CTSH: variants seen among roughly 807,000 people sequenced by gnomAD.
CTSH encodes pro-cathepsin H.
Under a neutral mutation model 56.3 loss-of-function variants are expected in CTSH, and 52 were observed. That is an observed-to-expected ratio of 0.92 (90% confidence interval 0.74 to 1.16). The LOEUF (loss-of-function observed/expected upper bound fraction) is 1.16, where lower values mean the gene tolerates loss of function less well. Among genes scored for constraint, CTSH ranks in the 50% most tolerant of loss-of-function variants. The pLI is 0.00. For missense variants in CTSH, 406 were observed against 424.5 expected, an observed-to-expected ratio of 0.96 and a Z score of 0.38; for synonymous variants, 174 against 155.7, an observed-to-expected ratio of 1.12 and a Z score of -0.88.
chr15:78,938,717 C>T (rs74525211), intron 2 of CTSH, among the ~76,000 whole-genome samples: 2,229 of 152,260 alleles, frequency 0.015, 89 homozygotes, highest in East Asian at 0.14. Context: ...CTGCAATAAA[C>T]ATGAGGGTGC....
chr15:78,940,701 G>A (rs1011178866), intron 1 of CTSH, among the ~76,000 whole-genome samples: 7 of 152,204 alleles, frequency 4.6e-5, no homozygotes, highest in African/African-American at 1.7e-4. Flanking sequence ...GCTCACGCCT[G>A]TAATCCCAGC....
chr15:78,942,924 G>A (rs1050976891), intron 1 of CTSH, among the ~76,000 whole-genome samples: 6 of 152,132 alleles, frequency 3.9e-5, no homozygotes, highest in East Asian at 1.9e-4. Context: ...ATCTATGGCC[G>A]TTTTCCCTGG....
At position 78,936,322 on chromosome 15, in the gene CTSH, C is replaced by A. The variant is rs180840248; in HGVS notation, c.230-572G>T. On this transcript the variant is annotated intron_variant, in intron 3 of 11. Coordinates refer to ENST00000220166, the MANE Select transcript of CTSH (RefSeq NM_004390.5). ...TCAGCTTCCCTAGTAGCTGAGACTA[C>A]AGGCACCTGCCACCATGCCCGGCTA... Among the ~76,000 whole-genome samples, 29 of 151,834 alleles carry A rather than the reference C, an allele frequency of 1.9e-4. 1 individual carries two copies. Among genetic ancestry groups the A allele is most frequent in the Admixed American group, 1.7e-3 (26 of 15,218 alleles).
chr15:78,932,696 C>T (rs1235836703), intron 5 of CTSH, among the ~76,000 whole-genome samples: 1 of 152,140 alleles, frequency 6.6e-6, no homozygotes, highest in Non-Finnish European at 1.5e-5. Flanking sequence ...CCTCGCAAGT[C>T]CTGAGAGGCT....
At chr15:78,938,917 C>T (rs1384780245) in intron 2 of CTSH, among the ~76,000 whole-genome samples, 2 of 152,126 alleles carry the variant, frequency 1.3e-5, no homozygotes, top group Non-Finnish European at 2.9e-5. Flanking sequence ...AATCCCAGGG[C>T]TTGGAAGGCT....
In CTSH at chr15:78,922,136, C is replaced by G. The variant is rs1382897366; in HGVS notation, c.1002G>C (p.Leu334=). The change falls in exon 12 of 12, where the codon CTG becomes CTC. Residue 334 remains leucine, a synonymous_variant. Transcript: ENST00000220166. ...GCGCTGCGGCTGCCACGGCTCACAC[C>G]AGAGGGATGGGGTAGGAGGCGCAGG... ...LAACASYPIP[L]V 6.4e-7 allele frequency: 1 copy of G among 1,571,368 alleles called. No homozygotes were observed.
chr15:78,936,173 T>C (rs2055170648), intron 3 of CTSH, among the ~76,000 whole-genome samples: 1 of 137,904 alleles, frequency 7.3e-6, no homozygotes. Flanking sequence ...GCTTTTTCTT[T>C]TCTTTTCTTT....
At chr15:78,939,572 C>A (rs1036417049) in intron 1 of CTSH, among the ~76,000 whole-genome samples, 1 of 152,150 alleles carries the variant, frequency 6.6e-6, no homozygotes, top group African/African-American at 2.4e-5. Context: ...AGTTATATTT[C>A]GGTAAGAAGT....
At chr15:78,939,276 T>C in intron 1 of CTSH, 105 bp from the exon 2 acceptor site, 1 of 804,500 alleles carries the variant, frequency 1.2e-6, no homozygotes, top group Non-Finnish European at 2.0e-6. Flanking sequence ...AAAACTGGAC[T>C]AAATTTAAAA....
chr15:78,940,537 CAAA>C (rs10555725), intron 1 of CTSH, among the ~76,000 whole-genome samples: 50 of 138,042 alleles, frequency 3.6e-4, no homozygotes, highest in Admixed American at 1.0e-3. Context: ...GACCTTGTCT[CAAA>C]AAAAAAAAAA....
rs2289693 is a variant in CTSH at position 78,922,969 on chromosome 15, A to C, written c.932+24T>G. 58,453 of 1,595,276 alleles carry C rather than the reference A, an allele frequency of 0.037. 8,426 individuals carry two copies. In the East Asian group the frequency reaches 0.51, roughly 14 times the overall value. ...GGCCTGAGCAACATCCCCCTCCCAG[A>C]AGTGGGACCTGGGAGCTGCTTACCC... On this transcript the variant is annotated intron_variant, in intron 11 of 11. Coordinates refer to ENST00000220166, the MANE Select transcript of CTSH (RefSeq NM_004390.5).
chr15:78,936,951 A>T, intron 3 of CTSH: 1 of 191,818 alleles, frequency 5.2e-6, no homozygotes, highest in Non-Finnish European at 1.1e-5. Flanking sequence ...TAGTGAAATT[A>T]ATCCGGAGTG....
intron 9 of CTSH, chr15:78,927,322 T>G (rs2054928698): frequency 3.8e-6 from 1 of 260,386 alleles, no homozygotes; most frequent in Non-Finnish European, 7.5e-6. Context: ...TGGGCACGGT[T>G]GTTATTGCAA....
Position 78,929,551 on chromosome 15 carries a change from C to G in CTSH, c.549-58G>C, listed in dbSNP as rs1444331275. The G allele has an allele frequency of 2.7e-5, 35 of 1,279,680 alleles. No homozygotes were observed. The East Asian group carries it at 2.8e-4, about 10-fold the overall frequency. The allele number at this position is 1,279,680 out of a possible 1,614,324, so 79.3% of individuals were successfully genotyped here. On this transcript the variant is annotated intron_variant, in intron 7 of 11. Coordinates refer to ENST00000220166, the MANE Select transcript of CTSH (RefSeq NM_004390.5). ...GGGCTGTCCTGATAGAGGCGGGGCC[C>G]TCGGGGACTGGCGTGGCGAGATATC...
intron 4 of CTSH, 51 bp from the exon 5 acceptor site, chr15:78,935,133 C>T (rs2055148792): frequency 6.5e-6 from 8 of 1,223,642 alleles, no homozygotes; most frequent in Admixed American, 1.8e-5. Context: ...AACCAAAAAC[C>T]TTTCTGACAA....
chr15:78,940,796 T>G (rs1373637908), intron 1 of CTSH, among the ~76,000 whole-genome samples: 1 of 151,940 alleles, frequency 6.6e-6, no homozygotes, highest in Admixed American at 6.6e-5. Flanking sequence ...CCAGCTCCAC[T>G]AAAAATACAA....
chr15:78,924,107 G>C (rs77927133), intron 10 of CTSH, among the ~76,000 whole-genome samples: 4 of 134,372 alleles, frequency 3.0e-5, no homozygotes, highest in African/African-American at 1.1e-4. Context: ...GGGGGGGGGG[G>C]GGAGGGTGGG....
intron 1 of CTSH, among the ~76,000 whole-genome samples, chr15:78,939,409 G>A (rs2055242396): frequency 6.6e-6 from 1 of 152,216 alleles, no homozygotes; most frequent in African/African-American, 2.4e-5. Flanking sequence ...AGTCAGGATG[G>A]TGGTTATGCC....
At chr15:78,930,514 G>A (rs74481317) in intron 7 of CTSH, among the ~76,000 whole-genome samples, 2,218 of 151,506 alleles carry the variant, frequency 0.015, 88 homozygotes, top group East Asian at 0.15. Flanking sequence ...GCAACAGAGC[G>A]AGACTCCATC....
Sources: allele counts gnomAD v4.1 joint callset (sites outside exome capture counted in the v4.1 genomes callset), GRCh38; gene constraint gnomAD v4.1.1; transcripts MANE v1.5; gene names NCBI Gene and HGNC (gene_info 2026-07-23, HGNC 2026-07-21).